C1orf159: variants seen among roughly 807,000 people sequenced by gnomAD.
C1orf159 encodes the protein chromosome 1 open reading frame 159.
Under a neutral mutation model 25.6 loss-of-function variants are expected in C1orf159, and 19 were observed. The ratio of observed to expected loss-of-function variants is 0.74; its 90% confidence interval spans 0.52 to 1.09. C1orf159 has a LOEUF of 1.09. Among genes scored for constraint, C1orf159 ranks in the 50% least tolerant of loss-of-function variants. C1orf159 has a pLI of 0.00. For synonymous variants in C1orf159, 139 were observed against 124.7 expected (o/e 1.12, Z -0.77); for missense variants, 274 against 290.6 (o/e 0.94, Z 0.42).
Position 1,087,401 on chromosome 1 carries a change from A to T in C1orf159, c.244+101T>A. On this transcript the variant is annotated intron_variant, in intron 5 of 9. Transcript: ENST00000421241. This position sits in a 1 kb window ranked among gnomAD's most constrained non-coding sequence, Gnocchi z 8.3. ...CTCCCGGGGCTGTTCCCCAGTGGAC[A>T]GTGGCTCTGGGGCAAGGTGGGGACA... 6 of 1,255,396 alleles carry T rather than the reference A, an allele frequency of 4.8e-6. No homozygotes were observed. The highest frequency in any genetic ancestry group is 6.6e-6 in the Non-Finnish European group (6 of 908,182). 77.8% of individuals were successfully genotyped at this position (1,255,396 alleles called of 1,614,324 possible). A position where few individuals can be genotyped will look rare whatever the true frequency, so the allele number is the denominator to read the frequency against.
chr1:1,113,986 G>A (rs565831068), intron 1 of C1orf159, among the ~76,000 whole-genome samples: 6 of 146,094 alleles, frequency 4.1e-5, no homozygotes, highest in Admixed American at 1.4e-4. Flanking sequence ...GCGCAATCTC[G>A]GCTCACTGCA....
At chr1:1,094,968 G>A (rs960027022) in intron 1 of C1orf159, among the ~76,000 whole-genome samples, 1 of 152,138 alleles carries the variant, frequency 6.6e-6, no homozygotes, top group Non-Finnish European at 1.5e-5. Context: ...ATAAACAGTT[G>A]CTAAAAAGAC....
chr1:1,091,337 G>GTCAGC, intron 3 of C1orf159, 135 bp downstream of exon 3: 1 of 872,554 alleles, frequency 1.1e-6, no homozygotes, highest in Non-Finnish European at 1.9e-6. Flanking sequence ...CCCAGCAGTG[G>GTCAGC]ACCTGGTCAG....
chr1:1,098,189 C>T (rs1646035555), intron 1 of C1orf159, among the ~76,000 whole-genome samples: 2 of 152,050 alleles, frequency 1.3e-5, no homozygotes, highest in South Asian at 4.2e-4. Flanking sequence ...TCTGCCCCAG[C>T]CGCCCGAGTA....
rs200684331 is a variant in C1orf159, at chr1:1,084,337, C to G, written c.502+16G>C. 3.9e-6 allele frequency: 6 copies of G among 1,538,854 alleles called. No homozygotes were observed. The highest frequency in any genetic ancestry group is 1.2e-5 in the South Asian group (1 of 80,160). ...AGATGGGAAACCCCACAGGGGGATG[C>G]GACAGCTGCTGTTACCTGAGGACTG... is the stretch of plus-strand genomic sequence containing the variant. On this transcript the variant is annotated intron_variant, in intron 9 of 9. Coordinates refer to ENST00000421241, the MANE Select transcript of C1orf159 (RefSeq NM_017891.5).
chr1:1,100,144 G>A (rs912602661), intron 1 of C1orf159, among the ~76,000 whole-genome samples: 1 of 152,124 alleles, frequency 6.6e-6, no homozygotes, highest in African/African-American at 2.4e-5. Context: ...ACACCACAGT[G>A]CATCTTTTGT....
chr1:1,115,304 A>C (rs751121027), intron 1 of C1orf159, among the ~76,000 whole-genome samples: 4 of 152,146 alleles, frequency 2.6e-5, no homozygotes, highest in Admixed American at 6.5e-5. Context: ...CACCCCGACT[A>C]GCCCTCGGCT....
intron 3 of C1orf159, chr1:1,090,930 G>T (rs183697514): frequency 1.2e-5 from 18 of 1,550,280 alleles, no homozygotes; most frequent in Non-Finnish European, 1.6e-5. Flanking sequence ...GGCCTGGGGG[G>T]CTCAGGGTAC....
At chr1:1,113,655 G>C (rs939715020) in intron 1 of C1orf159, among the ~76,000 whole-genome samples, 4 of 152,160 alleles carry the variant, frequency 2.6e-5, no homozygotes, top group Admixed American at 2.6e-4. Context: ...TAGAGCAGGA[G>C]CAACAGTTTA....
intron 1 of C1orf159, among the ~76,000 whole-genome samples, chr1:1,101,485 A>C (rs1298212864): frequency 1.3e-5 from 2 of 152,150 alleles, no homozygotes; most frequent in Non-Finnish European, 2.9e-5. Flanking sequence ...TGTATAAAAA[A>C]AAATTTTTTT....
Position 1,087,680 on chromosome 1 carries a change from T to C in C1orf159, c.149-83A>G. Reference sequence around the variant, plus strand: ...TCCTGGGAATGATTCTCTATTTGAGTTGGTGAGATAACTTTCATTCCAGAT... The same window carrying C: ...TCCTGGGAATGATTCTCTATTTGAGCTGGTGAGATAACTTTCATTCCAGAT... On this transcript the variant is annotated intron_variant, in intron 4 of 9. Coordinates refer to ENST00000421241, the MANE Select transcript of C1orf159 (RefSeq NM_017891.5). This position sits in a 1 kb window ranked among gnomAD's most constrained non-coding sequence, Gnocchi z 8.3. 1 of 1,039,144 alleles carries C rather than the reference T, an allele frequency of 9.6e-7. No individual in the cohort carries two copies. Among genetic ancestry groups the C allele is most frequent in the South Asian group, 1.5e-5 (1 of 67,166 alleles). 64.4% of individuals were successfully genotyped at this position (1,039,144 alleles called of 1,614,324 possible).
chr1:1,099,637 A>C (rs947740996), intron 1 of C1orf159, among the ~76,000 whole-genome samples: 1 of 150,998 alleles, frequency 6.6e-6, no homozygotes, highest in Non-Finnish European at 1.5e-5. Flanking sequence ...GGAGAGAGAG[A>C]GGTTAAAATC....
intron 1 of C1orf159, chr1:1,105,928 A>C (rs1646165094): frequency 6.6e-6 from 1 of 152,182 alleles, no homozygotes; most frequent in Non-Finnish European, 1.5e-5. Flanking sequence ...AAATAGTAAT[A>C]AGTGTGTTGT....
intron 1 of C1orf159, among the ~76,000 whole-genome samples, chr1:1,097,323 T>C (rs1646021857): frequency 6.6e-6 from 1 of 152,116 alleles, no homozygotes; most frequent in Non-Finnish European, 1.5e-5. Context: ...GCCAGCCTGG[T>C]CTCACTTCTG....
intron 1 of C1orf159, among the ~76,000 whole-genome samples, chr1:1,099,625 T>C (rs1420661100): frequency 6.6e-6 from 1 of 151,688 alleles, no homozygotes; most frequent in Non-Finnish European, 1.5e-5. Flanking sequence ...GTTCTAAGAA[T>C]TGGAGAGAGA....
In C1orf159 at chr1:1,091,621, T is replaced by C. The variant is rs1213707898; in HGVS notation, c.-22-56A>G. On this transcript the variant is annotated intron_variant, in intron 2 of 9. Coordinates refer to ENST00000421241, the MANE Select transcript of C1orf159 (RefSeq NM_017891.5). The stretch of plus-strand genomic sequence containing the variant: ...GAGATGGAGTGGGGCTGAGGCAGGG[T>C]GGGTGGGGCCAAATGAAAGTGGGGT... The C allele has an allele frequency of 4.5e-6, 3 of 669,084 alleles. No homozygotes were observed. The Admixed American group carries it at 1.1e-4, about 24-fold the overall frequency. The allele number at this position is 669,084 out of a possible 1,614,324, so 41.4% of individuals were successfully genotyped here.
chr1:1,095,331 C>T (rs1252889480), intron 1 of C1orf159, among the ~76,000 whole-genome samples: 1 of 152,196 alleles, frequency 6.6e-6, no homozygotes, highest in Non-Finnish European at 1.5e-5. Flanking sequence ...TCTCTTCATC[C>T]CTCCGCATCT....
intron 1 of C1orf159, among the ~76,000 whole-genome samples, chr1:1,094,073 T>C (rs542503003): frequency 4.6e-5 from 7 of 151,540 alleles, no homozygotes; most frequent in African/African-American, 1.7e-4. Flanking sequence ...TTTAATTGGG[T>C]GGAGTTGCAA....
chr1:1,090,966 T>C (rs1318644292), intron 3 of C1orf159: 10 of 1,550,076 alleles, frequency 6.5e-6, no homozygotes, highest in Admixed American at 3.9e-5. Flanking sequence ...TGATCACAGC[T>C]GTGCTGTTTC....
Sources: allele counts gnomAD v4.1 joint callset (sites outside exome capture counted in the v4.1 genomes callset), GRCh38; gene constraint gnomAD v4.1.1; non-coding constraint Gnocchi (gnomAD v3.1); transcripts MANE v1.5; gene names NCBI Gene and HGNC (gene_info 2026-07-23, HGNC 2026-07-21).